COL4A4: variants seen among roughly 807,000 people sequenced by gnomAD.
The protein encoded by COL4A4 is collagen alpha-4(IV) chain.
In COL4A4, 105 loss-of-function variants were observed where a neutral mutation model predicts 192.9. The observed-to-expected ratio is 0.54, with a 90% CI of 0.46 to 0.64. COL4A4 has a LOEUF of 0.64. COL4A4 is among the 30% of genes least tolerant of loss of function. COL4A4 has a pLI of 0.00. For missense variants in COL4A4, 1,967 were observed against 2,169.3 expected (o/e 0.91, Z 1.85); for synonymous variants, 762 against 769.9 (o/e 0.99, Z 0.17).
At chr2:227,014,420 G>A (rs889703770) in intron 44 of COL4A4, among the ~76,000 whole-genome samples, 2 of 152,164 alleles carry the variant, frequency 1.3e-5, no homozygotes, top group Admixed American at 6.5e-5. Context: ...AACTCTTTCC[G>A]GTGATGACCT....
chr2:227,047,731 C>CACACACACACACACA (rs1973182118), intron 34 of COL4A4, among the ~76,000 whole-genome samples, 182 bp from the exon 35 acceptor site: 1 of 146,228 alleles, frequency 6.8e-6, no homozygotes, highest in Non-Finnish European at 1.5e-5. Flanking sequence ...AATTTACATA[C>CACACACACACACACA]CACACACACA....
At chr2:227,091,392 T>G (rs974601314) in intron 20 of COL4A4, among the ~76,000 whole-genome samples, 1 of 82,824 alleles carries the variant, frequency 1.2e-5, no homozygotes, top group South Asian at 3.3e-4. Context: ...TACAGAAAAA[T>G]AAACAGCTGG....
the COL4A4 span, among the ~76,000 whole-genome samples, chr2:226,986,274 C>T: frequency 6.6e-6 from 1 of 151,946 alleles, no homozygotes; most frequent in Non-Finnish European, 1.5e-5. Context: ...GGATTGGACC[C>T]CGAACAGAAA....
At chr2:227,083,536 C>T (rs1033814476) in intron 22 of COL4A4, among the ~76,000 whole-genome samples, 3 of 152,130 alleles carry the variant, frequency 2.0e-5, no homozygotes, top group African/African-American at 4.8e-5. Flanking sequence ...AGCCTTAAAC[C>T]TCTGGGCTCA....
chr2:227,129,617 C>T (rs972440974), intron 4 of COL4A4, among the ~76,000 whole-genome samples: 20 of 152,210 alleles, frequency 1.3e-4, no homozygotes, highest in Non-Finnish European at 1.6e-4. Context: ...CCATGTTGGC[C>T]AGGCTGGTCT....
chr2:227,150,338 G>GA (rs1425399135), intron 1 of COL4A4, among the ~76,000 whole-genome samples: 2 of 151,880 alleles, frequency 1.3e-5, no homozygotes, highest in East Asian at 1.9e-4. Context: ...CATTGTGCAG[G>GA]AAAAAAAGTG....
intron 47 of COL4A4, 131 bp downstream of exon 47, chr2:227,007,887 G>C: frequency 8.7e-7 from 1 of 1,154,750 alleles, no homozygotes; most frequent in Admixed American, 2.0e-5. Context: ...GCTATGGTTT[G>C]CAACAGTCCC....
chr2:227,129,978 G>C (rs144672009), intron 4 of COL4A4, among the ~76,000 whole-genome samples: 2 of 152,018 alleles, frequency 1.3e-5, no homozygotes, highest in East Asian at 3.9e-4. Context: ...AATTCAACCA[G>C]TCAGCCACTG....
At chr2:227,156,461 T>A (rs1576937208) in intron 1 of COL4A4, among the ~76,000 whole-genome samples, 1 of 147,618 alleles carries the variant, frequency 6.8e-6, no homozygotes, top group African/African-American at 2.5e-5. Flanking sequence ...TAAGACTTGA[T>A]TTAGGAAGGA....
chr2:227,149,434 T>C (rs2063769166), intron 1 of COL4A4, among the ~76,000 whole-genome samples: 1 of 152,190 alleles, frequency 6.6e-6, no homozygotes, highest in Non-Finnish European at 1.5e-5. Flanking sequence ...TCCTCATCTC[T>C]CTTTTCTGCT....
intron 35 of COL4A4, 66 bp downstream of exon 35, chr2:227,047,409 G>A: frequency 8.9e-7 from 1 of 1,123,520 alleles, no homozygotes; most frequent in Non-Finnish European, 1.4e-6. Context: ...CCAGCTAGAA[G>A]TAATTGTTCT....
intron 22 of COL4A4, 148 bp downstream of exon 22, chr2:227,088,505 G>A: frequency 9.9e-7 from 1 of 1,005,870 alleles, no homozygotes; most frequent in Non-Finnish European, 1.5e-6. Context: ...GTTTCCTGAG[G>A]CCTCCCCACC....
intron 17 of COL4A4, among the ~76,000 whole-genome samples, chr2:227,100,097 C>T (rs1027538172): frequency 1.5e-4 from 23 of 152,192 alleles, no homozygotes; most frequent in African/African-American, 5.3e-4. Context: ...TAGCGTCCCT[C>T]TAAATTGTGT....
At chr2:226,998,347 G>A (rs1481123280), downstream of COL4A4, 1 of 152,152 alleles carries the variant, frequency 6.6e-6, no homozygotes, top group Non-Finnish European at 1.5e-5. Flanking sequence ...TGCCTGGGGA[G>A]TAAGCAAGCT....
chr2:227,148,689 C>G (rs1175967694), intron 1 of COL4A4, among the ~76,000 whole-genome samples: 1 of 151,818 alleles, frequency 6.6e-6, no homozygotes, highest in African/African-American at 2.4e-5. Context: ...TATTTTAAAA[C>G]TTGACTCGAA....
At chr2:227,092,041 T>A (rs528425886) in intron 20 of COL4A4, among the ~76,000 whole-genome samples, 8 of 152,068 alleles carry the variant, frequency 5.3e-5, no homozygotes, top group East Asian at 3.9e-4. Context: ...GCAAATCAAG[T>A]GGAATTTAAG....
chr2:226,999,659 T>C (rs184107810), downstream of COL4A4, among the ~76,000 whole-genome samples: 286 of 152,218 alleles, frequency 1.9e-3, no homozygotes, highest in African/African-American at 6.7e-3. Flanking sequence ...GTTGCTAATA[T>C]AATAGAAATC....
chr2:227,075,225 G>A (rs888750413), intron 25 of COL4A4, among the ~76,000 whole-genome samples: 7 of 152,102 alleles, frequency 4.6e-5, no homozygotes, highest in Non-Finnish European at 8.8e-5. Flanking sequence ...TAATATCCCT[G>A]ATGAACCTTA....
At chr2:227,054,046 A>G (rs1051298783) in intron 31 of COL4A4, among the ~76,000 whole-genome samples, 7 of 152,318 alleles carry the variant, frequency 4.6e-5, no homozygotes, top group Admixed American at 4.6e-4. Flanking sequence ...AAACAAGGTA[A>G]TATTTCATGG....
Sources: allele counts gnomAD v4.1 joint callset (sites outside exome capture counted in the v4.1 genomes callset), GRCh38; gene constraint gnomAD v4.1.1; transcripts MANE v1.5; gene names NCBI Gene and HGNC (gene_info 2026-07-23, HGNC 2026-07-21).